The following RSRC1 variants were observed in gnomAD, a reference collection of about 807,000 sequenced individuals.
The protein encoded by RSRC1 is serine/Arginine-related protein 53.
Under a neutral mutation model 49.1 loss-of-function variants are expected in RSRC1, and 39 were observed. That is an observed-to-expected ratio of 0.79 (90% CI 0.61 to 1.04). The LOEUF is 1.04. Among genes scored for constraint, RSRC1 ranks in the 50% least tolerant of loss-of-function variants. The pLI is 0.00. For synonymous variants in RSRC1, 143 were observed against 130.8 expected, an observed-to-expected ratio of 1.09 and a Z score of -0.63; for missense variants, 388 against 402.4, an observed-to-expected ratio of 0.96 and a Z score of 0.31.
At chr3:158,238,490 A>C (rs960740594) in intron 4 of RSRC1, among the ~76,000 whole-genome samples, 16 of 152,222 alleles carry the variant, frequency 1.1e-4, no homozygotes, top group African/African-American at 3.6e-4. Context: ...CAGTAACCAA[A>C]ACAGCATGGT....
intron 3 of RSRC1, among the ~76,000 whole-genome samples, chr3:158,125,650 C>A (rs547508448): frequency 2.0e-5 from 3 of 152,102 alleles, no homozygotes. Flanking sequence ...TGAAATCTGT[C>A]GTGGAGAATG....
At chr3:158,136,468 T>C (rs944642172) in intron 3 of RSRC1, among the ~76,000 whole-genome samples, 1 of 152,214 alleles carries the variant, frequency 6.6e-6, no homozygotes, top group African/African-American at 2.4e-5. Context: ...GCTAAATTCT[T>C]ATTCTGTTGT....
At chr3:158,169,885 G>A (rs987895356) in intron 3 of RSRC1, among the ~76,000 whole-genome samples, 9 of 152,146 alleles carry the variant, frequency 5.9e-5, no homozygotes, top group African/African-American at 2.4e-5. Flanking sequence ...TTACTATTAT[G>A]TAGAACCTTT....
intron 6 of RSRC1, among the ~76,000 whole-genome samples, chr3:158,420,317 A>C (rs1734972112): frequency 6.6e-6 from 1 of 151,992 alleles, no homozygotes; most frequent in African/African-American, 2.4e-5. Context: ...GAAAGTAGTA[A>C]AGCTCATGAA....
At chr3:158,276,211 G>A (rs550808216) in intron 4 of RSRC1, 39 of 787,596 alleles carry the variant, frequency 5.0e-5, no homozygotes, top group Non-Finnish European at 8.2e-5. Flanking sequence ...GGGCATTTTC[G>A]GCCACCATGG....
chr3:158,379,270 A>G (rs993067154), intron 6 of RSRC1, among the ~76,000 whole-genome samples: 1 of 133,634 alleles, frequency 7.5e-6, no homozygotes, highest in East Asian at 2.2e-4. Context: ...GCGCGATCTC[A>G]GCTCACTGCA....
rs549401530 is a variant in RSRC1, at chr3:158,292,629, A to T, written c.495-5410A>T. Among the ~76,000 whole-genome samples the T allele has an allele frequency of 2.6e-5, 4 of 152,294 alleles. No individual in the cohort carries two copies. The East Asian group carries it at 7.7e-4, about 29-fold the overall frequency. ...GGACAACCCAAGAGACAGACCACTA[A>T]AGAGGACAGGTTTTATACCATTTGT... On this transcript the variant is annotated intron_variant, in intron 4 of 9. Coordinates refer to ENST00000611884, the MANE Select transcript of RSRC1 (RefSeq NM_001271838.2).
rs1450518985 is a variant in RSRC1, at chr3:158,145,542, G to T, written c.320+21551G>T. Reference sequence around the variant, plus strand: ...CTGTTTTGGTTACTGTAACCTTGTAGTATAGTTTGAAGTCAGGTAGCATGA... The same window carrying T: ...CTGTTTTGGTTACTGTAACCTTGTATTATAGTTTGAAGTCAGGTAGCATGA... On this transcript the variant is annotated intron_variant, in intron 3 of 9. Coordinates refer to ENST00000611884, the MANE Select transcript of RSRC1 (RefSeq NM_001271838.2). 3.3e-5 allele frequency among the ~76,000 whole-genome samples: 5 copies of T among 152,248 alleles called. No homozygotes were observed. In the East Asian group the frequency reaches 9.6e-4, roughly 29 times the overall value.
At chr3:158,239,499 A>G (rs1483772681) in intron 4 of RSRC1, among the ~76,000 whole-genome samples, 1 of 151,712 alleles carries the variant, frequency 6.6e-6, no homozygotes, top group East Asian at 1.9e-4. Flanking sequence ...AATGTGGCAC[A>G]TATACACCAT....
chr3:158,368,194 G>A (rs1046030803), intron 6 of RSRC1, among the ~76,000 whole-genome samples: 2 of 152,166 alleles, frequency 1.3e-5, no homozygotes, highest in Non-Finnish European at 2.9e-5. Flanking sequence ...TTCTAGACTC[G>A]AGTACAATGC....
intron 4 of RSRC1, among the ~76,000 whole-genome samples, chr3:158,223,321 A>G (rs1214407013): frequency 1.3e-5 from 2 of 151,692 alleles, no homozygotes; most frequent in African/African-American, 4.8e-5. Flanking sequence ...TCTGTAGGTT[A>G]GGTTCAGGAA....
chr3:158,302,560 T>C (rs1727615850), intron 5 of RSRC1: 1 of 45,272 alleles, frequency 2.2e-5, no homozygotes, highest in Non-Finnish European at 5.1e-5. Context: ...TGCTCCTGAC[T>C]TTTTTTTTTT....
intron 7 of RSRC1, among the ~76,000 whole-genome samples, chr3:158,466,161 T>C (rs186057260): frequency 3.9e-5 from 6 of 152,210 alleles, no homozygotes; most frequent in Admixed American, 3.9e-4. Context: ...TGTTAATTCA[T>C]TTTTAACTTT....
chr3:158,482,649 A>G (rs576966659), intron 7 of RSRC1, among the ~76,000 whole-genome samples: 1 of 152,176 alleles, frequency 6.6e-6, no homozygotes, highest in African/African-American at 2.4e-5. Flanking sequence ...AGTGCCATAA[A>G]AGAAAATAGA....
At chr3:158,312,564 G>A (rs1728193443) in intron 5 of RSRC1, among the ~76,000 whole-genome samples, 1 of 152,162 alleles carries the variant, frequency 6.6e-6, no homozygotes, top group African/African-American at 2.4e-5. Context: ...AGTGCAGAGT[G>A]CTATGAAAGA....
chr3:158,478,196 A>G (rs1738465071), intron 7 of RSRC1, among the ~76,000 whole-genome samples: 1 of 151,910 alleles, frequency 6.6e-6, no homozygotes, highest in Non-Finnish European at 1.5e-5. Context: ...TCACTAGACT[A>G]TCACAATCAT....
chr3:158,170,342 G>A (rs1444008609), intron 3 of RSRC1, among the ~76,000 whole-genome samples: 1 of 134,836 alleles, frequency 7.4e-6, no homozygotes, highest in Non-Finnish European at 1.6e-5. Flanking sequence ...GCTCTTCCTT[G>A]TTCTCCCTTT....
At chr3:158,498,762 G>A (rs1315902022) in intron 7 of RSRC1, among the ~76,000 whole-genome samples, 1 of 152,114 alleles carries the variant, frequency 6.6e-6, no homozygotes, top group Admixed American at 6.5e-5. Context: ...TAAGAGATGA[G>A]GATTCAGTTT....
intron 6 of RSRC1, among the ~76,000 whole-genome samples, chr3:158,363,567 C>T (rs910885628): frequency 3.3e-5 from 5 of 151,998 alleles, no homozygotes; most frequent in East Asian, 1.9e-4. Flanking sequence ...GCCCAGCCCT[C>T]GAGCTACTTC....
Sources: allele counts gnomAD v4.1 joint callset (sites outside exome capture counted in the v4.1 genomes callset), GRCh38; gene constraint gnomAD v4.1.1; transcripts MANE v1.5; gene names NCBI Gene and HGNC (gene_info 2026-07-23, HGNC 2026-07-21).